PPP1R9A: variants seen among roughly 807,000 people sequenced by gnomAD.
PPP1R9A encodes neurabin-1.
A neutral mutation model predicts 141.9 loss-of-function variants in PPP1R9A; 59 were observed. The ratio of observed to expected loss-of-function variants is 0.42; its 90% CI spans 0.34 to 0.52. The LOEUF (loss-of-function observed/expected upper bound fraction) is 0.52. PPP1R9A is among the 20% of genes least tolerant of loss of function. The pLI is 0.10. For synonymous variants in PPP1R9A, 500 were observed against 569.7 expected (o/e 0.88, Z 1.74); for missense variants, 1,444 against 1,611.9 (o/e 0.90, Z 1.78).
intron 5 of PPP1R9A, among the ~76,000 whole-genome samples, chr7:95,165,919 A>C (rs1831170743): frequency 6.6e-6 from 1 of 152,154 alleles, no homozygotes; most frequent in Non-Finnish European, 1.5e-5. Context: ...AAGCTGAGGC[A>C]GGTGGATCAT....
At chr7:95,189,030 C>G (rs1302400171) in intron 5 of PPP1R9A, among the ~76,000 whole-genome samples, 3 of 152,014 alleles carry the variant, frequency 2.0e-5, no homozygotes, top group Non-Finnish European at 4.4e-5. Flanking sequence ...AATCCTTTAT[C>G]TCTCCATTTT....
chr7:95,041,519 T>G (rs1453898176), intron 2 of PPP1R9A, among the ~76,000 whole-genome samples: 1 of 152,166 alleles, frequency 6.6e-6, no homozygotes, highest in East Asian at 1.9e-4. Flanking sequence ...CTTATGCATT[T>G]TTGTGCAGCT....
intron 9 of PPP1R9A, 37 bp downstream of exon 9, chr7:95,247,563 T>G (rs754695941): frequency 6.6e-7 from 1 of 1,514,864 alleles, no homozygotes; most frequent in Admixed American, 1.7e-5. Flanking sequence ...TTTTACTTTT[T>G]AAACTTCAGA....
rs150911300 is a variant in PPP1R9A, at chr7:94,983,695, T to C, written c.1395+72187T>C. ...ACATTGATTTTGTATCCTGCGACTTTGCTGAAGTTGCTTATCAGCCTAAGG... is the reference window on the plus strand; with the variant it reads ...ACATTGATTTTGTATCCTGCGACTTCGCTGAAGTTGCTTATCAGCCTAAGG... On this transcript the variant is annotated intron_variant, in intron 2 of 19. Transcript: ENST00000433360. Among the ~76,000 whole-genome samples, 584 of 152,330 alleles carry C rather than the reference T, an allele frequency of 3.8e-3. 22 individuals carry two copies. Among genetic ancestry groups the C allele is most frequent in the East Asian group, 0.034 (178 of 5,190 alleles).
intron 4 of PPP1R9A, chr7:95,155,132 T>C (rs1185769912): frequency 1.3e-5 from 2 of 151,428 alleles, no homozygotes; most frequent in Non-Finnish European, 2.9e-5. Context: ...CAACTTGTAG[T>C]AGACTAGCAT....
chr7:95,263,744 C>T (rs1230776672), intron 12 of PPP1R9A, among the ~76,000 whole-genome samples: 1 of 152,084 alleles, frequency 6.6e-6, no homozygotes, highest in Non-Finnish European at 1.5e-5. Flanking sequence ...CAACTATATG[C>T]ATATGTTTAC....
intron 5 of PPP1R9A, among the ~76,000 whole-genome samples, chr7:95,196,342 A>G (rs941070310): frequency 6.6e-6 from 1 of 152,192 alleles, no homozygotes. Context: ...ATGAGGATGC[A>G]AAGCAACTAC....
intron 2 of PPP1R9A, among the ~76,000 whole-genome samples, chr7:95,076,709 A>T (rs1407981504): frequency 6.6e-6 from 1 of 152,116 alleles, no homozygotes; most frequent in Non-Finnish European, 1.5e-5. Context: ...GTGAGAATCC[A>T]TTGGAGTTTC....
chr7:95,203,769 T>C (rs571548605), intron 7 of PPP1R9A, 39 bp downstream of exon 7: 2 of 1,370,010 alleles, frequency 1.5e-6, no homozygotes, highest in South Asian at 2.6e-5. Context: ...ACCTGTACTT[T>C]CCTGCTTCAT....
intron 2 of PPP1R9A, among the ~76,000 whole-genome samples, chr7:95,005,718 G>A (rs1803499988): frequency 1.3e-5 from 2 of 152,098 alleles, no homozygotes; most frequent in Non-Finnish European, 2.9e-5. Flanking sequence ...AGTTAATAAA[G>A]CATTTCTTTA....
intron 2 of PPP1R9A, among the ~76,000 whole-genome samples, chr7:94,942,031 G>C (rs2150953657): frequency 6.6e-6 from 1 of 152,084 alleles, no homozygotes; most frequent in Non-Finnish European, 1.5e-5. Flanking sequence ...GCCCGGTTTT[G>C]TGTCTAATAT....
chr7:95,004,718 C>T (rs963105295), intron 2 of PPP1R9A, among the ~76,000 whole-genome samples: 9 of 152,082 alleles, frequency 5.9e-5, no homozygotes, highest in East Asian at 1.9e-4. Flanking sequence ...GAGTAGATAC[C>T]GTATACTGTG....
chr7:95,061,697 C>T (rs1812256878), intron 2 of PPP1R9A, among the ~76,000 whole-genome samples: 1 of 152,136 alleles, frequency 6.6e-6, no homozygotes, highest in Non-Finnish European at 1.5e-5. Context: ...GATTGTGCCA[C>T]TGCCCTCCAG....
chr7:95,063,736 A>G (rs964015629), intron 2 of PPP1R9A, among the ~76,000 whole-genome samples: 1 of 152,228 alleles, frequency 6.6e-6, no homozygotes. Flanking sequence ...AAAAGGGCCA[A>G]ATGAATGTGG....
intron 2 of PPP1R9A, among the ~76,000 whole-genome samples, chr7:94,940,174 C>T (rs949577540): frequency 1.3e-5 from 2 of 152,050 alleles, no homozygotes; most frequent in African/African-American, 4.8e-5. Flanking sequence ...AACTTTCGGA[C>T]AGTAACTAAT....
chr7:95,276,966 T>C (rs1048168683), intron 16 of PPP1R9A, among the ~76,000 whole-genome samples: 1 of 152,150 alleles, frequency 6.6e-6, no homozygotes, highest in Non-Finnish European at 1.5e-5. Flanking sequence ...TGAGTTGGAT[T>C]CTCAGGGTCC....
chr7:94,943,541 A>G (rs893593772), intron 2 of PPP1R9A, among the ~76,000 whole-genome samples: 3 of 152,184 alleles, frequency 2.0e-5, no homozygotes, highest in African/African-American at 7.2e-5. Context: ...TCTGTTACTC[A>G]GAGATTTTGC....
intron 2 of PPP1R9A, among the ~76,000 whole-genome samples, chr7:95,092,499 G>A (rs1039594897): frequency 1.3e-5 from 2 of 152,120 alleles, no homozygotes; most frequent in African/African-American, 4.8e-5. Context: ...CTTTGCTCAT[G>A]TTGTCAGCTT....
At chr7:95,045,218 C>G (rs1432076434) in intron 2 of PPP1R9A, among the ~76,000 whole-genome samples, 1 of 152,046 alleles carries the variant, frequency 6.6e-6, no homozygotes, top group African/African-American at 2.4e-5. Context: ...GAAAAAGAGA[C>G]CAAGGCAAGT....
Sources: gnomAD v4.1 joint callset for allele counts (sites outside exome capture counted in the v4.1 genomes callset) on GRCh38, gnomAD v4.1.1 for gene constraint, MANE v1.5 for transcripts, NCBI Gene and HGNC (gene_info 2026-07-23, HGNC 2026-07-21) for gene names.